Variants in PGF observed in about 807,000 individuals in gnomAD.
PGF encodes the protein placenta growth factor.
A neutral mutation model predicts 25.3 loss-of-function variants in PGF; 11 were observed. That is an observed-to-expected ratio of 0.43 (90% CI 0.27 to 0.72). The LOEUF (loss-of-function observed/expected upper bound fraction) is 0.72, where lower values mean the gene tolerates loss of function less well. PGF is among the 30% of genes least tolerant of loss of function. The pLI is 0.18. For missense variants in PGF, 230 were observed against 234.9 expected, an observed-to-expected ratio of 0.98 and a Z score of 0.14; for synonymous variants, 105 against 97.9, an observed-to-expected ratio of 1.07 and a Z score of -0.43.
intron 2 of PGF, 147 bp from the exon 3 acceptor site, chr14:74,949,700 C>G: frequency 2.0e-6 from 1 of 512,146 alleles, no homozygotes; most frequent in Non-Finnish European, 3.3e-6. Context: ...AATGTGATCC[C>G]TCCGAAATGC....
chr14:74,951,169 T>C (rs1250358158), intron 2 of PGF, among the ~76,000 whole-genome samples: 1 of 152,066 alleles, frequency 6.6e-6, no homozygotes, highest in African/African-American at 2.4e-5. Flanking sequence ...TGTTTGCTGC[T>C]CCATTCTGCT....
chr14:74,948,221 C>A, intron 4 of PGF: 1 of 326,190 alleles, frequency 3.1e-6, no homozygotes, highest in Non-Finnish European at 5.6e-6. Flanking sequence ...ACGCACCGAA[C>A]CCCTGCGAGG....
At chr14:74,946,507 T>G in intron 4 of PGF, 99 bp from the exon 5 acceptor site, 2 of 1,211,296 alleles carry the variant, frequency 1.7e-6, no homozygotes, top group Non-Finnish European at 2.3e-6. Context: ...TCCCCAGTCC[T>G]GGTCCTGCAG....
intron 2 of PGF, among the ~76,000 whole-genome samples, chr14:74,952,032 GA>G (rs1239838316): frequency 6.6e-6 from 1 of 152,104 alleles, no homozygotes; most frequent in Non-Finnish European, 1.5e-5. Flanking sequence ...AGAGCAACGG[GA>G]AGCTGTGGCC....
Position 74,955,527 on chromosome 14 carries a change from A to T in PGF, c.-285T>A. ...GATGGTCCGTCGGGCGCCCAGTGCC[A>T]CTCCAGGTCCTCCCGTAGCTGGGCG... is the stretch of plus-strand genomic sequence containing the variant. On this transcript the variant is annotated 5_prime_UTR_variant, in exon 1 of 7. Coordinates refer to ENST00000555567, the MANE Select transcript of PGF (RefSeq NM_002632.6). This position sits in a 1 kb window ranked among gnomAD's most constrained non-coding sequence, Gnocchi z 4.1. 1 of 347,560 alleles carries T rather than the reference A, an allele frequency of 2.9e-6. No homozygotes were observed. The highest frequency in any genetic ancestry group is 5.2e-6 in the Non-Finnish European group (1 of 193,452). 21.5% of individuals were successfully genotyped at this position (347,560 alleles called of 1,614,324 possible).
chr14:74,955,419 G>T lies in PGF; in HGVS notation c.-177C>A. 1 of 408,694 alleles carries T rather than the reference G, an allele frequency of 2.4e-6. No homozygotes were observed. Among genetic ancestry groups the T allele is most frequent in the Non-Finnish European group, 4.4e-6 (1 of 229,684 alleles). The allele number at this position is 408,694 out of a possible 1,614,324, so 25.3% of individuals were successfully genotyped here. A position where few individuals can be genotyped will look rare whatever the true frequency, so the allele number is the denominator to read the frequency against. ...TTCTGGAAGCCTTGCGGAGTCAGGA[G>T]CCCGTAGGTAAGGCTGTGGCTGGGG... On this transcript the variant is annotated 5_prime_UTR_variant, in exon 1 of 7. Transcript: ENST00000555567. This position sits in a 1 kb window ranked among gnomAD's most constrained non-coding sequence, Gnocchi z 4.1.
intron 6 of PGF, among the ~76,000 whole-genome samples, chr14:74,943,586 A>G (rs1435913425): frequency 2.6e-5 from 4 of 152,236 alleles, no homozygotes; most frequent in Admixed American, 6.5e-5. Flanking sequence ...TTATGTGAAC[A>G]TGGTTTCTCA....
At chr14:74,954,199 C>G (rs1021505252) in intron 1 of PGF, 1 of 534,320 alleles carries the variant, frequency 1.9e-6, no homozygotes, top group Non-Finnish European at 3.4e-6. Context: ...TTTGGAGACC[C>G]TTGGCCTGCT....
intron 6 of PGF, among the ~76,000 whole-genome samples, chr14:74,944,146 A>AG (rs1888664586): frequency 7.4e-6 from 1 of 134,260 alleles, no homozygotes; most frequent in South Asian, 2.3e-4. Context: ...GCTCTGTCCC[A>AG]GGCTGGAGTG....
chr14:74,948,614 G>A (rs775845801), intron 3 of PGF, 31 bp from the exon 4 acceptor site: 2 of 1,473,384 alleles, frequency 1.4e-6, no homozygotes, highest in Admixed American at 3.5e-5. Flanking sequence ...TGCCTGGATT[G>A]GGGAGTGGCC....
At chr14:74,952,995 ATGT>A (rs1326232699) in intron 2 of PGF, among the ~76,000 whole-genome samples, 2 of 152,198 alleles carry the variant, frequency 1.3e-5, no homozygotes, top group African/African-American at 2.4e-5. Flanking sequence ...AAGGAGCATA[ATGT>A]TGTGCTGGTT....
Position 74,953,795 on chromosome 14 carries a change from C to T in PGF, c.118+109G>A. 1.8e-6 allele frequency: 2 copies of T among 1,101,176 alleles called. No homozygotes were observed. Among genetic ancestry groups the T allele is most frequent in the Middle Eastern group, 2.0e-4 (1 of 5,086 alleles). The allele number at this position is 1,101,176 out of a possible 1,614,324, so 68.2% of individuals were successfully genotyped here. ...ACCCAGCATGTCTAGCTTGTAGGCT[C>T]TCCCCAGCTTTTATCAACCTGCACC... On this transcript the variant is annotated intron_variant, in intron 2 of 6. Transcript: ENST00000555567. This position sits in a 1 kb window ranked among gnomAD's most constrained non-coding sequence, Gnocchi z 5.4.
Position 74,955,207 on chromosome 14 carries a change from C to T in PGF, c.36G>A (p.Gln12=). ...CAGGCAGCGCCAGCCCGGCCAGGAG[C>T]TGCAGGAAGCAAGGGAACAGCCTCA... ...PVMRLFPCFL[Q]LLAGLALPAV... Residue 12 remains glutamine (Q), a synonymous_variant, in exon 1 of 7, where the codon CAG becomes CAA. Transcript: ENST00000555567. This position sits in a 1 kb window ranked among gnomAD's most constrained non-coding sequence, Gnocchi z 4.1. 1 of 1,490,136 alleles carries T rather than the reference C, an allele frequency of 6.7e-7. No individual in the cohort carries two copies. The highest frequency in any genetic ancestry group is 9.0e-7 in the Non-Finnish European group (1 of 1,112,662). The allele number at this position is 1,490,136 out of a possible 1,614,324, so 92.3% of individuals were successfully genotyped here. A position where few individuals can be genotyped will look rare whatever the true frequency, so the allele number is the denominator to read the frequency against.
chr14:74,948,819 G>T (rs923318592), intron 3 of PGF, among the ~76,000 whole-genome samples: 1 of 152,192 alleles, frequency 6.6e-6, no homozygotes, highest in African/African-American at 2.4e-5. Context: ...CAGGAAGGGG[G>T]CTCATGTTCT....
chr14:74,946,551 T>C (rs1888741472), intron 4 of PGF, 143 bp from the exon 5 acceptor site: 2 of 753,870 alleles, frequency 2.7e-6, no homozygotes, highest in South Asian at 3.6e-5. Flanking sequence ...TAGCATGGAG[T>C]TGGCAAGGGA....
At position 74,948,448 on chromosome 14, in the gene PGF, T is replaced by C. The variant is rs17782809; in HGVS notation, c.392+59A>G. On this transcript the variant is annotated intron_variant, in intron 4 of 6. Coordinates refer to ENST00000555567, the MANE Select transcript of PGF (RefSeq NM_002632.6). ...CCTCTGCCCTGGGACCCATCTTTGC[T>C]GAGGCTGCCAAGAGGACGGGGGCCT... 6,803 of 1,084,224 alleles carry C rather than the reference T, an allele frequency of 6.3e-3. 39 individuals carry two copies. The highest frequency in any genetic ancestry group is 7.5e-3 in the Non-Finnish European group (5,414 of 724,430). 67.2% of individuals were successfully genotyped at this position (1,084,224 alleles called of 1,614,324 possible). A position where few individuals can be genotyped will look rare whatever the true frequency, so the allele number is the denominator to read the frequency against.
chr14:74,943,903 A>C (rs550036235), intron 6 of PGF, among the ~76,000 whole-genome samples: 1 of 152,310 alleles, frequency 6.6e-6, no homozygotes, highest in African/African-American at 2.4e-5. Context: ...ATTCAAACTC[A>C]TATATCATTT....
chr14:74,946,219 C>T lies in PGF; in HGVS notation c.479G>A (p.Cys160Tyr). Residue 160 changes from cysteine (C) to tyrosine (Y), a missense_variant, in exon 6 of 7, where the codon TGC (cysteine) becomes TAC (tyrosine). Transcript: ENST00000555567. ...TGGGACCCCGCACACTCACAGGTGGCAGTCTGTGGGTCTCTGCTTCTCTCT... is the reference window on the plus strand; with the variant it reads ...TGGGACCCCGCACACTCACAGGTGGTAGTCTGTGGGTCTCTGCTTCTCTCT... Reference protein sequence around the residue: ...RRREKQRPTDCHLCGDAVPRR With the variant: ...RRREKQRPTDYHLCGDAVPRR The T allele has an allele frequency of 6.2e-7, 1 of 1,613,978 alleles. No homozygotes were observed. Among genetic ancestry groups the T allele is most frequent in the Non-Finnish European group, 8.5e-7 (1 of 1,179,910 alleles).
At chr14:74,945,953 T>C (rs1594985025) in intron 6 of PGF, 1 of 539,374 alleles carries the variant, frequency 1.9e-6, no homozygotes, top group East Asian at 3.0e-5. Flanking sequence ...TGCCCCTCAT[T>C]CTACACAGAG....
Sources: allele counts gnomAD v4.1 joint callset (sites outside exome capture counted in the v4.1 genomes callset), GRCh38; gene constraint gnomAD v4.1.1; non-coding constraint Gnocchi (gnomAD v3.1); transcripts MANE v1.5; gene names NCBI Gene and HGNC (gene_info 2026-07-23, HGNC 2026-07-21).